Variants in NRG3 observed in about 807,000 individuals in gnomAD.
NRG3 encodes pro-neuregulin-3, membrane-bound isoform.
In NRG3, 31 loss-of-function variants were observed where a neutral mutation model predicts 66.9. The ratio of observed to expected loss-of-function variants is 0.46; its 90% CI spans 0.35 to 0.63. The LOEUF (loss-of-function observed/expected upper bound fraction) is 0.63. Ranked by LOEUF, NRG3 falls within the 20% of genes least tolerant of loss-of-function variation. The pLI is 0.00. For synonymous variants in NRG3, 393 were observed against 359.4 expected, an observed-to-expected ratio of 1.09 and a Z score of -1.06; for missense variants, 910 against 878.9, an observed-to-expected ratio of 1.04 and a Z score of -0.45.
At chr10:82,614,576 ATTTT>A (rs993888172) in intron 2 of NRG3, among the ~76,000 whole-genome samples, 1 of 152,144 alleles carries the variant, frequency 6.6e-6, no homozygotes, top group Non-Finnish European at 1.5e-5. Context: ...TTTATTAATG[ATTTT>A]TTTAACAGTC....
intron 2 of NRG3, among the ~76,000 whole-genome samples, chr10:82,532,647 A>G (rs1847404877): frequency 6.7e-6 from 1 of 149,476 alleles, no homozygotes; most frequent in Non-Finnish European, 1.5e-5. Context: ...ATATATGCAT[A>G]TATGTATATA....
intron 1 of NRG3, among the ~76,000 whole-genome samples, chr10:82,072,850 T>C (rs2064884747): frequency 1.3e-5 from 2 of 152,164 alleles, no homozygotes; most frequent in African/African-American, 2.4e-5. Context: ...CACTGCAGCC[T>C]CCAACTCCTG....
intron 2 of NRG3, among the ~76,000 whole-genome samples, chr10:82,475,439 C>T (rs1454725794): frequency 6.6e-6 from 1 of 151,942 alleles, no homozygotes; most frequent in South Asian, 2.1e-4. Flanking sequence ...ATATAATTAT[C>T]CAAGACATTG....
chr10:82,037,733 C>A (rs114606444), intron 1 of NRG3, among the ~76,000 whole-genome samples: 4,508 of 152,070 alleles, frequency 0.03, 232 homozygotes, highest in African/African-American at 0.1. Flanking sequence ...CCTCAGTTTT[C>A]TCTTATTTTA....
At chr10:81,880,248 G>A (rs749954171) in intron 1 of NRG3, among the ~76,000 whole-genome samples, 10 of 152,026 alleles carry the variant, frequency 6.6e-5, no homozygotes, top group African/African-American at 1.9e-4. Flanking sequence ...GTTGGTCTCC[G>A]TGCATTAAGA....
At chr10:82,012,006 G>A (rs1400846052) in intron 1 of NRG3, among the ~76,000 whole-genome samples, 5 of 152,184 alleles carry the variant, frequency 3.3e-5, no homozygotes, top group South Asian at 2.1e-4. Flanking sequence ...CCCCAGTGGG[G>A]ACTCTGTGTG....
intron 2 of NRG3, among the ~76,000 whole-genome samples, chr10:82,596,100 CCCATTT>C (rs1192412646): frequency 1.3e-5 from 2 of 152,148 alleles, no homozygotes; most frequent in Admixed American, 6.5e-5. Flanking sequence ...CATGTGGCAT[CCCATTT>C]CCTAGGCCTA....
intron 2 of NRG3, among the ~76,000 whole-genome samples, chr10:82,378,566 TTTTTC>T (rs1218904061): frequency 6.6e-6 from 1 of 151,894 alleles, no homozygotes; most frequent in Non-Finnish European, 1.5e-5. Flanking sequence ...TCTCTTCTCT[TTTTTC>T]TTTTCTTTTC....
At chr10:82,347,505 A>T (rs993131277) in intron 1 of NRG3, among the ~76,000 whole-genome samples, 6 of 151,064 alleles carry the variant, frequency 4.0e-5, no homozygotes, top group African/African-American at 1.5e-4. Context: ...TCAATTTTGG[A>T]ATAGGTGTGG....
At chr10:82,102,558 G>A (rs969203338) in intron 1 of NRG3, among the ~76,000 whole-genome samples, 6 of 150,540 alleles carry the variant, frequency 4.0e-5, no homozygotes, top group South Asian at 4.2e-4. Context: ...CTTTTTGGGG[G>A]CATTATTTGA....
At chr10:82,881,586 A>G (rs542364796) in intron 4 of NRG3, among the ~76,000 whole-genome samples, 1 of 152,298 alleles carries the variant, frequency 6.6e-6, no homozygotes, top group Admixed American at 6.5e-5. Context: ...AAGGCATGCT[A>G]TGGGATTCAA....
At chr10:82,926,512 A>G (rs1417786902) in intron 4 of NRG3, among the ~76,000 whole-genome samples, 2 of 152,242 alleles carry the variant, frequency 1.3e-5, no homozygotes, top group Non-Finnish European at 2.9e-5. Context: ...TTGAGCATCC[A>G]AGAAGTATCT....
intron 1 of NRG3, among the ~76,000 whole-genome samples, chr10:82,261,864 G>T (rs1049289470): frequency 6.6e-6 from 1 of 152,250 alleles, no homozygotes; most frequent in African/African-American, 2.4e-5. Flanking sequence ...TTCAGCGTGG[G>T]CATCATGGCC....
intron 1 of NRG3, among the ~76,000 whole-genome samples, chr10:82,279,338 G>T (rs753448715): frequency 6.6e-6 from 1 of 152,028 alleles, no homozygotes; most frequent in Non-Finnish European, 1.5e-5. Context: ...CATCAAACTG[G>T]CACTACTGCT....
intron 2 of NRG3, among the ~76,000 whole-genome samples, chr10:82,432,307 A>G (rs1303934630): frequency 6.6e-6 from 1 of 151,496 alleles, no homozygotes; most frequent in Non-Finnish European, 1.5e-5. Flanking sequence ...CATGAGATCC[A>G]TTTTTTTCAG....
chr10:82,183,164 A>G (rs1315101974), intron 1 of NRG3, among the ~76,000 whole-genome samples: 1 of 151,650 alleles, frequency 6.6e-6, no homozygotes, highest in Non-Finnish European at 1.5e-5. Context: ...CCTTCTCCAG[A>G]TTTGTGATGT....
chr10:82,730,639 T>C (rs1467989582), intron 2 of NRG3, among the ~76,000 whole-genome samples: 2 of 152,232 alleles, frequency 1.3e-5, no homozygotes, highest in African/African-American at 4.8e-5. Flanking sequence ...TAGGTAATTT[T>C]AATAACAAGT....
chr10:82,527,796 C>A (rs556225632), intron 2 of NRG3, among the ~76,000 whole-genome samples: 1 of 152,246 alleles, frequency 6.6e-6, no homozygotes, highest in South Asian at 2.1e-4. Flanking sequence ...TTCTTTACCT[C>A]CCTCTCTCCG....
At chr10:82,621,960 T>TA (rs932501532) in intron 2 of NRG3, among the ~76,000 whole-genome samples, 84 of 152,300 alleles carry the variant, frequency 5.5e-4, no homozygotes, top group African/African-American at 2.0e-3. Flanking sequence ...TACCTCAAGT[T>TA]ACATGTCACC....
Sources: gnomAD v4.1 joint callset for allele counts (sites outside exome capture counted in the v4.1 genomes callset) on GRCh38, gnomAD v4.1.1 for gene constraint, MANE v1.5 for transcripts, NCBI Gene and HGNC (gene_info 2026-07-23, HGNC 2026-07-21) for gene names.